Variants in PCNX2 observed in about 807,000 individuals in gnomAD.
PCNX2 encodes pecanex 2.
Under a neutral mutation model 223.8 loss-of-function variants are expected in PCNX2, and 168 were observed. The observed-to-expected ratio is 0.75, with a 90% CI of 0.66 to 0.85. The LOEUF (loss-of-function observed/expected upper bound fraction) is 0.85, where lower values mean the gene tolerates loss of function less well. Ranked by LOEUF, PCNX2 falls within the 40% of genes least tolerant of loss-of-function variation. The pLI is 0.00. For synonymous variants in PCNX2, 1,006 were observed against 1,052.6 expected (o/e 0.96, Z 0.86); for missense variants, 2,507 against 2,675.5 (o/e 0.94, Z 1.39).
chr1:233,041,544 T>G (rs1671646296), intron 25 of PCNX2, among the ~76,000 whole-genome samples: 1 of 152,200 alleles, frequency 6.6e-6, no homozygotes. Context: ...GACCCACTTC[T>G]TGGTCTGTCA....
Position 233,283,189 on chromosome 1 carries a change from T to G in PCNX2, c.153+12137A>C, listed in dbSNP as rs143192474. On this transcript the variant is annotated intron_variant, in intron 1 of 33. Coordinates refer to ENST00000258229, the MANE Select transcript of PCNX2 (RefSeq NM_014801.4). ...CTGTGGGAGAAGGGAGATATAAATA[T>G]GAAATAATGGAAGGAGAGAAAGAGT... Among the ~76,000 whole-genome samples, 677 of 152,268 alleles carry G rather than the reference T, an allele frequency of 4.4e-3. 4 individuals are homozygous for G. Among genetic ancestry groups the G allele is most frequent in the African/African-American group, 0.016 (659 of 41,548 alleles).
chr1:233,032,805 G>A (rs1352030317), intron 25 of PCNX2, among the ~76,000 whole-genome samples: 3 of 152,192 alleles, frequency 2.0e-5, no homozygotes, highest in Non-Finnish European at 4.4e-5. Context: ...TGCCATGAAG[G>A]ATGGCTTAGA....
chr1:233,237,809 G>A (rs925503330), intron 8 of PCNX2, among the ~76,000 whole-genome samples: 2 of 152,222 alleles, frequency 1.3e-5, no homozygotes, highest in African/African-American at 2.4e-5. Context: ...CTAGCCCCAG[G>A]GAAAAATCCT....
At chr1:233,057,578 C>T in intron 23 of PCNX2, 1 of 320,710 alleles carries the variant, frequency 3.1e-6, no homozygotes, top group South Asian at 4.6e-5. Flanking sequence ...AAAATCAAAG[C>T]AAGTATTTAG....
upstream of PCNX2, among the ~76,000 whole-genome samples, chr1:233,299,200 T>C (rs1662221516): frequency 6.6e-6 from 1 of 152,116 alleles, no homozygotes; most frequent in African/African-American, 2.4e-5. Context: ...GAAACCTAAA[T>C]TCCTCCTCCT....
intron 8 of PCNX2, chr1:233,241,268 A>G: frequency 2.0e-6 from 2 of 985,462 alleles, no homozygotes; most frequent in Non-Finnish European, 2.4e-6. Context: ...CCTGACTGCC[A>G]TCATGTGGCA....
intron 5 of PCNX2, among the ~76,000 whole-genome samples, chr1:233,256,167 T>C (rs900092753): frequency 7.9e-5 from 12 of 152,282 alleles, no homozygotes; most frequent in South Asian, 2.1e-4. Context: ...TCTGATTGAA[T>C]GTGGCTGGCT....
At chr1:233,303,271 T>C in the PCNX2 span, among the ~76,000 whole-genome samples, 1 of 152,166 alleles carries the variant, frequency 6.6e-6, no homozygotes, top group Non-Finnish European at 1.5e-5. Flanking sequence ...CCCAGCACTT[T>C]GGGAGGCCGA....
intron 4 of PCNX2, among the ~76,000 whole-genome samples, chr1:233,260,293 T>C (rs1558402042): frequency 6.6e-6 from 1 of 152,100 alleles, no homozygotes; most frequent in Admixed American, 6.5e-5. Flanking sequence ...TTAGTACAAG[T>C]AAAAAATAGA....
At chr1:233,146,087 A>T (rs2477861) in intron 19 of PCNX2, among the ~76,000 whole-genome samples, 26,621 of 152,190 alleles carry the variant, frequency 0.17, 2,431 homozygotes, top group Admixed American at 0.22. Context: ...AATAAGAGGT[A>T]CTCAACCTGT....
chr1:233,209,269 T>C (rs1356074604), intron 12 of PCNX2, among the ~76,000 whole-genome samples: 1 of 152,228 alleles, frequency 6.6e-6, no homozygotes, highest in Admixed American at 6.5e-5. Context: ...CACAGCATTT[T>C]CCTGTGAGGG....
chr1:233,030,000 C>G (rs959592178), intron 25 of PCNX2, among the ~76,000 whole-genome samples: 8 of 152,122 alleles, frequency 5.3e-5, no homozygotes, highest in African/African-American at 1.9e-4. Flanking sequence ...TAAAAAAAAT[C>G]TGGATAATAT....
rs1225610911 is a variant in PCNX2, at chr1:233,198,944, C to T, written c.3061G>A (p.Val1021Met). ...CCCATGGTCCTCACACCTACCTTCA[C>T]TGCACTGAAGCAGACTGCGTGGAGC... ...ALLHAVCFSA[V>M]KEPWSMQHIP... Residue 1021 changes from valine (V) to methionine (M), a missense_variant, in exon 15 of 34, where the codon GTG becomes ATG. Transcript: ENST00000258229. 6.9e-6 allele frequency: 11 copies of T among 1,603,440 alleles called. No homozygotes were observed. Among genetic ancestry groups the T allele is most frequent in the Non-Finnish European group, 8.5e-6 (10 of 1,175,380 alleles).
chr1:233,233,423 CCTGTGTGTGT>C (rs1658187913), intron 9 of PCNX2, among the ~76,000 whole-genome samples: 4 of 115,490 alleles, frequency 3.5e-5, no homozygotes, highest in African/African-American at 1.4e-4. Flanking sequence ...CTCCTCTTCT[CCTGTGTGTGT>C]GTGTGTGTGT....
intron 8 of PCNX2, among the ~76,000 whole-genome samples, chr1:233,250,324 G>T (rs1256235441): frequency 6.6e-6 from 1 of 152,142 alleles, no homozygotes; most frequent in Non-Finnish European, 1.5e-5. Flanking sequence ...AAGTAAAATA[G>T]AAAAGATGTG....
At chr1:233,287,883 A>G (rs1661534120) in intron 1 of PCNX2, among the ~76,000 whole-genome samples, 1 of 152,190 alleles carries the variant, frequency 6.6e-6, no homozygotes, top group African/African-American at 2.4e-5. Context: ...GGCACTATGA[A>G]GGTGAGATGA....
chr1:233,204,417 T>C (rs1020368960), intron 13 of PCNX2, among the ~76,000 whole-genome samples: 1 of 152,190 alleles, frequency 6.6e-6, no homozygotes, highest in African/African-American at 2.4e-5. Flanking sequence ...TAGGAAGTAT[T>C]ACGCTTCCTA....
chr1:233,135,995 G>C (rs896902069), intron 20 of PCNX2, among the ~76,000 whole-genome samples: 17 of 152,298 alleles, frequency 1.1e-4, no homozygotes, highest in Admixed American at 3.9e-4. Flanking sequence ...CCCATGTAGG[G>C]AGTATGTGTC....
At chr1:233,308,399 C>G in the PCNX2 span, among the ~76,000 whole-genome samples, 10 of 151,692 alleles carry the variant, frequency 6.6e-5, no homozygotes, top group Non-Finnish European at 1.3e-4. Flanking sequence ...GCGGAGGTTG[C>G]AGTGAGCCGA....
Sources: gnomAD v4.1 joint callset for allele counts (sites outside exome capture counted in the v4.1 genomes callset) on GRCh38, gnomAD v4.1.1 for gene constraint, MANE v1.5 for transcripts, NCBI Gene and HGNC (gene_info 2026-07-23, HGNC 2026-07-21) for gene names.